Variants in ENTHD1 observed in about 807,000 individuals in gnomAD.
The protein encoded by ENTHD1 is ENTH domain containing 1.
A neutral mutation model predicts 39.1 loss-of-function variants in ENTHD1; 23 were observed. That is an observed-to-expected ratio of 0.59 (90% confidence interval 0.42 to 0.83). The LOEUF (loss-of-function observed/expected upper bound fraction) is 0.83, where lower values mean the gene tolerates loss of function less well. ENTHD1 is among the 40% of genes least tolerant of loss of function. The pLI, the probability that ENTHD1 is intolerant of heterozygous loss-of-function variation, is 0.00. For missense variants in ENTHD1, 624 were observed against 705.4 expected, an observed-to-expected ratio of 0.88 and a Z score of 1.31; for synonymous variants, 230 against 258.2, an observed-to-expected ratio of 0.89 and a Z score of 1.05.
intron 6 of ENTHD1, among the ~76,000 whole-genome samples, chr22:39,757,246 T>C (rs2065192056): frequency 6.6e-6 from 1 of 152,184 alleles, no homozygotes. Flanking sequence ...GGTACTGTTT[T>C]AATTTCAATT....
intron 6 of ENTHD1, among the ~76,000 whole-genome samples, chr22:39,762,175 A>T (rs2065238753): frequency 6.6e-6 from 1 of 152,020 alleles, no homozygotes; most frequent in Non-Finnish European, 1.5e-5. Context: ...TTCTGGTCAG[A>T]CTCGCTGGGG....
chr22:39,869,629 TA>T (rs1025348623), intron 2 of ENTHD1, among the ~76,000 whole-genome samples: 2 of 145,870 alleles, frequency 1.4e-5, no homozygotes, highest in African/African-American at 5.1e-5. Flanking sequence ...AAATAAAAGT[TA>T]AAATTGTAAA....
rs2065074783 is a variant in ENTHD1 at position 39,743,440 on chromosome 22, T to C, written c.*239A>G. The C allele has an allele frequency of 2.3e-6, 1 of 432,614 alleles. No homozygotes were observed. Among genetic ancestry groups the C allele is most frequent in the Non-Finnish European group, 4.0e-6 (1 of 251,012 alleles). 26.8% of individuals were successfully genotyped at this position (432,614 alleles called of 1,614,324 possible). The stretch of plus-strand genomic sequence containing the variant: ...CAGAGCATGAAAGAATGAAATTCTC[T>C]TCTGTTTCAAATGAACTAATATCTA... On this transcript the variant is annotated 3_prime_UTR_variant, in exon 7 of 7. Coordinates refer to ENST00000325157, the MANE Select transcript of ENTHD1 (RefSeq NM_152512.4).
At chr22:39,783,556 C>T (rs2146589284) in intron 5 of ENTHD1, among the ~76,000 whole-genome samples, 1 of 152,138 alleles carries the variant, frequency 6.6e-6, no homozygotes, top group South Asian at 2.1e-4. Flanking sequence ...GATGCACAGA[C>T]CAATGGAACA....
intron 5 of ENTHD1, among the ~76,000 whole-genome samples, chr22:39,794,803 CAA>C (rs751655466): frequency 4.0e-4 from 33 of 82,328 alleles, no homozygotes; most frequent in African/African-American, 4.9e-4. Context: ...GACTCCATCT[CAA>C]AAAAAAAAAA....
intron 6 of ENTHD1, among the ~76,000 whole-genome samples, chr22:39,761,827 TTG>T (rs2065235630): frequency 6.6e-6 from 1 of 152,170 alleles, no homozygotes; most frequent in Non-Finnish European, 1.5e-5. Context: ...TATTCATTAG[TTG>T]TGAGTACTTT....
Position 39,820,993 on chromosome 22 carries a change from C to A in ENTHD1, c.832G>T (p.Asp278Tyr). ...AEEVCNLSGA[D>Y]AVPTLSENSP... The stretch of plus-strand genomic sequence containing the variant: ...ACTTCCTATTCCTTAACCAATTTAC[C>A]TGCACCCGAAAGATTACAAACTTCT... Residue 278 changes from aspartate (D) to tyrosine (Y), a missense_variant and splice_region_variant, in exon 5 of 7, where the codon GAT becomes TAT. Asp to Tyr is a radical substitution (Grantham distance 160). Transcript: ENST00000325157. 1 of 1,613,854 alleles carries A rather than the reference C, an allele frequency of 6.2e-7. No individual in the cohort carries two copies. Among genetic ancestry groups the A allele is most frequent in the East Asian group, 2.2e-5 (1 of 44,850 alleles).
chr22:39,809,937 G>C (rs1026887283), intron 5 of ENTHD1, among the ~76,000 whole-genome samples: 1 of 152,162 alleles, frequency 6.6e-6, no homozygotes, highest in African/African-American at 2.4e-5. Context: ...AGGATGTGTG[G>C]TGGTGGTTAA....
At chr22:39,882,441 A>G (rs2066345649) in intron 2 of ENTHD1, among the ~76,000 whole-genome samples, 1 of 152,216 alleles carries the variant, frequency 6.6e-6, no homozygotes, top group African/African-American at 2.4e-5. Context: ...AAGCACAGAA[A>G]TGTCTAAGCA....
intron 6 of ENTHD1, among the ~76,000 whole-genome samples, chr22:39,745,198 T>C (rs1407535397): frequency 2.0e-5 from 3 of 152,218 alleles, no homozygotes; most frequent in Admixed American, 2.0e-4. Context: ...CATGGAACTT[T>C]TTTCTCTTCT....
At chr22:39,881,705 T>C (rs1292238234) in intron 2 of ENTHD1, among the ~76,000 whole-genome samples, 1 of 152,010 alleles carries the variant, frequency 6.6e-6, no homozygotes, top group Non-Finnish European at 1.5e-5. Context: ...TGAGAAGCGC[T>C]ATGGGGAAAA....
At chr22:39,826,331 T>A (rs1363743542) in intron 4 of ENTHD1, among the ~76,000 whole-genome samples, 1 of 152,172 alleles carries the variant, frequency 6.6e-6, no homozygotes, top group Admixed American at 6.5e-5. Context: ...TATTGTTTTT[T>A]AAATTTTTTA....
chr22:39,780,328 G>A (rs956718298), intron 5 of ENTHD1, among the ~76,000 whole-genome samples: 4 of 150,344 alleles, frequency 2.7e-5, no homozygotes, highest in Non-Finnish European at 5.9e-5. Context: ...AGTCAGCCAA[G>A]ATCACACCAC....
At position 39,744,217 on chromosome 22, in the gene ENTHD1, G is replaced by A. The variant is rs1232506471; in HGVS notation, c.1286C>T (p.Ser429Phe). The stretch of plus-strand genomic sequence containing the variant: ...TAAGAGATGAGCTGACTTCTCTGGA[G>A]AGGCTAAATCAGGAGATGACATGGA... ...PLSMSSPDLASPEKSAHLLSP... is the reference protein window; with the variant it reads ...PLSMSSPDLAFPEKSAHLLSP... Residue 429 changes from serine (S) to phenylalanine (F), a missense_variant, in exon 7 of 7, where the codon TCT (serine) becomes TTT (phenylalanine). Coordinates refer to ENST00000325157, the MANE Select transcript of ENTHD1 (RefSeq NM_152512.4). 6.2e-7 allele frequency: 1 copy of A among 1,614,048 alleles called. No individual in the cohort carries two copies. Among genetic ancestry groups the A allele is most frequent in the Admixed American group, 1.7e-5 (1 of 60,004 alleles).
chr22:39,754,978 G>A (rs567995408), intron 6 of ENTHD1, among the ~76,000 whole-genome samples: 131 of 152,166 alleles, frequency 8.6e-4, no homozygotes, highest in Non-Finnish European at 8.4e-4. Context: ...TTCTTCTACC[G>A]CTTCTTCATG....
At chr22:39,765,171 T>G in intron 6 of ENTHD1, 52 bp downstream of exon 6, 1 of 1,464,734 alleles carries the variant, frequency 6.8e-7, no homozygotes, top group Admixed American at 2.6e-5. Context: ...AAAAGAGGTT[T>G]TTTGTTGTGT....
chr22:39,840,051 A>G (rs1219207597), intron 3 of ENTHD1, among the ~76,000 whole-genome samples: 1 of 152,212 alleles, frequency 6.6e-6, no homozygotes, highest in Non-Finnish European at 1.5e-5. Flanking sequence ...AGATTTGGTA[A>G]TTACACAACA....
chr22:39,812,832 C>T (rs1030985044), intron 5 of ENTHD1, among the ~76,000 whole-genome samples: 3 of 152,078 alleles, frequency 2.0e-5, no homozygotes, highest in Admixed American at 6.5e-5. Context: ...GCCCAGGCTG[C>T]AGTGCAGTGG....
intron 2 of ENTHD1, among the ~76,000 whole-genome samples, chr22:39,883,102 T>C (rs897389728): frequency 3.9e-5 from 6 of 152,074 alleles, no homozygotes; most frequent in African/African-American, 1.4e-4. Flanking sequence ...TTTTCATTAA[T>C]TTTTATTAGT....
Sources: allele counts gnomAD v4.1 joint callset (sites outside exome capture counted in the v4.1 genomes callset), GRCh38; gene constraint gnomAD v4.1.1; transcripts MANE v1.5; gene names NCBI Gene and HGNC (gene_info 2026-07-23, HGNC 2026-07-21).